PELI2: variants seen among roughly 807,000 people sequenced by gnomAD.
PELI2 encodes E3 ubiquitin-protein ligase pellino homolog 2.
A neutral mutation model predicts 42.3 loss-of-function variants in PELI2; 23 were observed. The observed-to-expected ratio is 0.54, with a 90% CI of 0.39 to 0.77. The LOEUF is 0.77. Ranked by LOEUF, PELI2 falls within the 30% of genes least tolerant of loss-of-function variation. PELI2 has a pLI of 0.00. For missense variants in PELI2, 463 were observed against 553.2 expected, an observed-to-expected ratio of 0.84 and a Z score of 1.64; for synonymous variants, 245 against 212.2, an observed-to-expected ratio of 1.15 and a Z score of -1.34.
chr14:56,223,708 A>G (rs1887236444), intron 2 of PELI2, among the ~76,000 whole-genome samples: 1 of 152,206 alleles, frequency 6.6e-6, no homozygotes, highest in Non-Finnish European at 1.5e-5. Context: ...AACTCCATTG[A>G]GGGCCAAATG....
rs547211614 is a variant in PELI2 at position 56,187,046 on chromosome 14, C to T, written c.207+8582C>T. ...ACTTTATTCAAACTGACTGCTCATT[C>T]AACAAATGAAGGAGTTAAAAAGTTC... On this transcript the variant is annotated intron_variant, in intron 2 of 5. Transcript: ENST00000267460. Among the ~76,000 whole-genome samples, 3 of 152,262 alleles carry T rather than the reference C, an allele frequency of 2.0e-5. No individual in the cohort carries two copies. The East Asian group carries it at 5.8e-4, about 29-fold the overall frequency.
intron 1 of PELI2, among the ~76,000 whole-genome samples, chr14:56,123,836 G>C (rs559496290): frequency 2.6e-5 from 4 of 152,330 alleles, no homozygotes; most frequent in African/African-American, 9.6e-5. Context: ...TGCTATATTT[G>C]AGGAAGACCA....
chr14:56,207,326 A>G (rs1886554076), intron 2 of PELI2, among the ~76,000 whole-genome samples: 1 of 152,158 alleles, frequency 6.6e-6, no homozygotes, highest in Admixed American at 6.6e-5. Flanking sequence ...CACTATGCTA[A>G]TAATTTTATA....
chr14:56,178,203 C>A, intron 1 of PELI2, 132 bp from the exon 2 acceptor site: 1 of 821,148 alleles, frequency 1.2e-6, no homozygotes, highest in Non-Finnish European at 1.9e-6. Flanking sequence ...CAACCCTTTC[C>A]TTTTGTGGAG....
intron 1 of PELI2, among the ~76,000 whole-genome samples, chr14:56,170,661 A>G (rs1366713047): frequency 6.6e-6 from 1 of 152,216 alleles, no homozygotes; most frequent in Non-Finnish European, 1.5e-5. Flanking sequence ...GGCACATAGT[A>G]AGTGTACAGC....
At chr14:56,194,668 C>T (rs888345600) in intron 2 of PELI2, among the ~76,000 whole-genome samples, 1 of 152,234 alleles carries the variant, frequency 6.6e-6, no homozygotes, top group Admixed American at 6.5e-5. Context: ...CATCCCTTCA[C>T]CCCGCTGAAA....
chr14:56,283,820 C>G (rs906754778), intron 3 of PELI2, among the ~76,000 whole-genome samples: 5 of 152,208 alleles, frequency 3.3e-5, no homozygotes, highest in Non-Finnish European at 7.3e-5. Context: ...CATTCACAGA[C>G]TCACTGGACC....
At chr14:56,290,578 C>T (rs1466085067) in intron 5 of PELI2, 122 bp downstream of exon 5, 2 of 580,572 alleles carry the variant, frequency 3.4e-6, no homozygotes, top group African/African-American at 1.9e-5. Flanking sequence ...TGTACTGTAA[C>T]TCAGGAGAAG....
At chr14:56,132,898 AAC>A (rs1883542362) in intron 1 of PELI2, among the ~76,000 whole-genome samples, 1 of 152,226 alleles carries the variant, frequency 6.6e-6, no homozygotes. Flanking sequence ...ACTAATCATT[AAC>A]ACAGATCATT....
chr14:56,162,002 C>A (rs1316935827), intron 1 of PELI2, among the ~76,000 whole-genome samples: 1 of 151,980 alleles, frequency 6.6e-6, no homozygotes, highest in Non-Finnish European at 1.5e-5. Flanking sequence ...TTGGTGGGTG[C>A]ACAGTAGGTG....
chr14:56,279,686 G>C lies in PELI2; in HGVS notation c.218G>C (p.Cys73Ser). 1 of 1,571,826 alleles carries C rather than the reference G, an allele frequency of 6.4e-7. No individual in the cohort carries two copies. The highest frequency in any genetic ancestry group is 8.7e-7 in the Non-Finnish European group (1 of 1,147,856). ...AAATTTTATTATTAGGCTATCAGCT[G>C]CAAAGGTCAACACAGTATATCCTAC... ...STPQASKAIS[C>S]KGQHSISYTL... The change falls in exon 3 of 6, where the codon TGC becomes TCC. Residue 73 changes from cysteine (C) to serine (S), a missense_variant. Cys to Ser is a moderately radical substitution (Grantham distance 112). Transcript: ENST00000267460.
At chr14:56,153,778 A>G (rs1422857661) in intron 1 of PELI2, among the ~76,000 whole-genome samples, 2 of 152,212 alleles carry the variant, frequency 1.3e-5, no homozygotes, top group East Asian at 3.8e-4. Context: ...ATCACCATGC[A>G]TCCTGAAAAA....
chr14:56,127,323 G>C (rs953604543), intron 1 of PELI2, among the ~76,000 whole-genome samples: 1 of 152,134 alleles, frequency 6.6e-6, no homozygotes, highest in Non-Finnish European at 1.5e-5. Context: ...ACAGAGATTC[G>C]AGTAGGTGGG....
Position 56,182,611 on chromosome 14 carries a change from C to G in PELI2, c.207+4147C>G, listed in dbSNP as rs1228588430. Among the ~76,000 whole-genome samples the G allele has an allele frequency of 3.3e-5, 5 of 152,116 alleles. No individual in the cohort carries two copies. The East Asian group carries it at 9.7e-4, about 29-fold the overall frequency. On this transcript the variant is annotated intron_variant, in intron 2 of 5. Transcript: ENST00000267460. ...TGAAAATCACTTTATTCCAGCTGGC[C>G]TATTTCCGAATGGAAAATATTAGTG...
chr14:56,137,338 C>T (rs1338141657), intron 1 of PELI2, among the ~76,000 whole-genome samples: 2 of 152,098 alleles, frequency 1.3e-5, no homozygotes, highest in African/African-American at 2.4e-5. Flanking sequence ...GACCACATAG[C>T]ATGTCATTGC....
At chr14:56,210,135 G>A (rs1221703111) in intron 2 of PELI2, among the ~76,000 whole-genome samples, 2 of 151,950 alleles carry the variant, frequency 1.3e-5, no homozygotes, top group African/African-American at 4.8e-5. Context: ...GTTCTTAGAA[G>A]CATGCCAAAG....
chr14:56,242,779 A>G (rs779961514), intron 2 of PELI2, among the ~76,000 whole-genome samples: 5 of 152,222 alleles, frequency 3.3e-5, no homozygotes, highest in African/African-American at 9.6e-5. Flanking sequence ...GTATGTTCTC[A>G]GTTGTAAGTG....
chr14:56,281,787 G>C (rs1218910684), intron 3 of PELI2, among the ~76,000 whole-genome samples: 1 of 151,946 alleles, frequency 6.6e-6, no homozygotes, highest in Non-Finnish European at 1.5e-5. Flanking sequence ...AGGAAACTAA[G>C]TAACTCTTAA....
intron 2 of PELI2, among the ~76,000 whole-genome samples, chr14:56,246,376 T>C (rs1489691403): frequency 6.6e-6 from 1 of 152,196 alleles, no homozygotes; most frequent in African/African-American, 2.4e-5. Flanking sequence ...ACAGAAAAAG[T>C]CAACATTTTC....
Sources: gnomAD v4.1 joint callset for allele counts (sites outside exome capture counted in the v4.1 genomes callset) on GRCh38, gnomAD v4.1.1 for gene constraint, MANE v1.5 for transcripts, NCBI Gene and HGNC (gene_info 2026-07-23, HGNC 2026-07-21) for gene names.